The following ERBIN variants were observed in gnomAD, a reference collection of about 807,000 sequenced individuals.
ERBIN encodes erbb2 interacting protein, also known as densin-180-like protein.
A neutral mutation model predicts 158.4 loss-of-function variants in ERBIN; 60 were observed. The ratio of observed to expected loss-of-function variants is 0.38; its 90% CI spans 0.31 to 0.47. The LOEUF (loss-of-function observed/expected upper bound fraction) is 0.47. ERBIN is among the 20% of genes least tolerant of loss of function. ERBIN has a pLI of 0.99. For missense variants in ERBIN, 1,610 were observed against 1,648.0 expected (o/e 0.98, Z 0.40); for synonymous variants, 594 against 557.2 (o/e 1.07, Z -0.93).
chr5:65,994,943 TAAAAATATA>T (rs1219431868), intron 4 of ERBIN, 79 bp downstream of exon 4: 1 of 801,328 alleles, frequency 1.2e-6, no homozygotes, highest in Non-Finnish European at 2.0e-6. Flanking sequence ...TTTTCAAAAA[TAAAAATATA>T]AAAATAAGTT....
At chr5:66,057,679 C>G (rs540808174) in intron 21 of ERBIN, among the ~76,000 whole-genome samples, 2 of 150,246 alleles carry the variant, frequency 1.3e-5, no homozygotes, top group Non-Finnish European at 3.0e-5. Context: ...TTAGGTATAT[C>G]TCCTAATGCT....
chr5:66,023,945 G>A (rs1226051300), intron 9 of ERBIN, among the ~76,000 whole-genome samples: 1 of 151,996 alleles, frequency 6.6e-6, no homozygotes, highest in African/African-American at 2.4e-5. Context: ...CCAAAGTGCT[G>A]GGATTACAGG....
At chr5:66,067,482 C>T (rs1455063962) in intron 21 of ERBIN, among the ~76,000 whole-genome samples, 1 of 152,170 alleles carries the variant, frequency 6.6e-6, no homozygotes, top group African/African-American at 2.4e-5. Flanking sequence ...GGAAGAACGG[C>T]AGTTCATAAC....
chr5:65,934,206 A>G (rs1743796910), intron 1 of ERBIN, among the ~76,000 whole-genome samples: 2 of 152,172 alleles, frequency 1.3e-5, no homozygotes, highest in Non-Finnish European at 2.9e-5. Context: ...CGTCACCCCT[A>G]AATATTTTAA....
chr5:65,990,991 G>T (rs926823718), intron 2 of ERBIN, among the ~76,000 whole-genome samples: 2 of 152,020 alleles, frequency 1.3e-5, no homozygotes, highest in South Asian at 2.1e-4. Flanking sequence ...CCTGACCTCT[G>T]GTGATCTGCC....
chr5:66,054,306 A>G lies in ERBIN; in HGVS notation c.2988A>G (p.Gln996=). The G allele has an allele frequency of 6.2e-7, 1 of 1,614,200 alleles. No homozygotes were observed. Among genetic ancestry groups the G allele is most frequent in the Non-Finnish European group, 8.5e-7 (1 of 1,180,034 alleles). Residue 996 remains glutamine, a synonymous_variant, in exon 21 of 26, where the codon CAA becomes CAG. Transcript: ENST00000284037. Reference sequence around the variant, plus strand: ...AAGACACTTTGTGGCACTCCAAACAAAATCCCCAAATAGACCATGCCAGTT... The same window carrying G: ...AAGACACTTTGTGGCACTCCAAACAGAATCCCCAAATAGACCATGCCAGTT... The part of the protein sequence containing the change: ...AVKDTLWHSK[Q]NPQIDHASFP...
rs149562691 is a variant in ERBIN at position 65,974,981 on chromosome 5, G to A, written c.-57-13654G>A. Among the ~76,000 whole-genome samples the A allele has an allele frequency of 2.4e-3, 361 of 152,252 alleles. 4 individuals are homozygous for A. The highest frequency in any genetic ancestry group is 8.3e-3 in the African/African-American group (343 of 41,540). ...GCTACTAAGAAAGCAAGGGGGAGAA[G>A]TGAATTTAGATTGTCTATTGAATTT... On this transcript the variant is annotated intron_variant, in intron 1 of 25. Coordinates refer to ENST00000284037, the MANE Select transcript of ERBIN (RefSeq NM_001253697.2).
At chr5:66,043,232 C>T (rs551036869) in intron 16 of ERBIN, 34 bp downstream of exon 16, 5 of 1,602,866 alleles carry the variant, frequency 3.1e-6, no homozygotes, top group Middle Eastern at 3.3e-4. Flanking sequence ...AAATTTGAAA[C>T]AAGTCTGCTG....
At chr5:66,065,629 G>A (rs1760904929) in intron 21 of ERBIN, among the ~76,000 whole-genome samples, 1 of 142,986 alleles carries the variant, frequency 7.0e-6, no homozygotes, top group South Asian at 2.2e-4. Flanking sequence ...GTGTGTGTGT[G>A]TGTGTGTGTG....
chr5:66,020,881 A>G (rs1755615592), intron 7 of ERBIN, among the ~76,000 whole-genome samples: 1 of 152,012 alleles, frequency 6.6e-6, no homozygotes, highest in Non-Finnish European at 1.5e-5. Context: ...CATTTTGAAT[A>G]TTAATTTTCG....
chr5:66,045,803 T>C (rs1758385094), intron 17 of ERBIN, among the ~76,000 whole-genome samples: 1 of 152,222 alleles, frequency 6.6e-6, no homozygotes, highest in African/African-American at 2.4e-5. Context: ...ATTATTATTA[T>C]GGAAATTTTT....
chr5:65,971,192 G>C (rs1166995682), intron 1 of ERBIN, among the ~76,000 whole-genome samples: 1 of 151,696 alleles, frequency 6.6e-6, no homozygotes, highest in Non-Finnish European at 1.5e-5. Context: ...AAGACAACCA[G>C]GTGTCTAGAA....
intron 23 of ERBIN, 56 bp downstream of exon 23, chr5:66,075,286 T>C: frequency 7.3e-7 from 1 of 1,365,990 alleles, no homozygotes; most frequent in Admixed American, 1.7e-5. Flanking sequence ...TGTATTTTTA[T>C]AGGTTACTTA....
At chr5:65,943,715 A>C (rs577815483) in intron 1 of ERBIN, among the ~76,000 whole-genome samples, 4 of 152,318 alleles carry the variant, frequency 2.6e-5, no homozygotes, top group African/African-American at 7.2e-5. Context: ...ATACAAATAA[A>C]ATATCTTAAC....
Position 66,021,859 on chromosome 5 carries a change from G to C in ERBIN, c.597+474G>C, listed in dbSNP as rs151332520. On this transcript the variant is annotated intron_variant, in intron 8 of 25. Transcript: ENST00000284037. ...AGTGGTAATGAGAACCTTTTTGTTT[G>C]TGCTTTGTATGCCAAGTGCGCTATG... Among the ~76,000 whole-genome samples the C allele has an allele frequency of 1.1e-3, 161 of 152,130 alleles. 1 individual carries two copies. Among genetic ancestry groups the C allele is most frequent in the African/African-American group, 3.8e-3 (157 of 41,536 alleles).
chr5:66,006,846 TC>T (rs1318607811), intron 4 of ERBIN, among the ~76,000 whole-genome samples: 2 of 151,908 alleles, frequency 1.3e-5, no homozygotes, highest in African/African-American at 2.4e-5. Flanking sequence ...TGAGATACCA[TC>T]TCACACCAGT....
chr5:65,940,841 C>G (rs1400675324), intron 1 of ERBIN, among the ~76,000 whole-genome samples: 1 of 152,030 alleles, frequency 6.6e-6, no homozygotes, highest in Non-Finnish European at 1.5e-5. Context: ...TGAGAACGGG[C>G]CATGATGACA....
intron 1 of ERBIN, among the ~76,000 whole-genome samples, chr5:65,944,763 T>C (rs1408974356): frequency 3.3e-5 from 5 of 152,210 alleles, no homozygotes; most frequent in Non-Finnish European, 7.3e-5. Context: ...TTATATGTAC[T>C]TTTTGGCTAT....
rs1006652328 is a variant in ERBIN at position 65,973,739 on chromosome 5, C to G, written c.-57-14896C>G. Among the ~76,000 whole-genome samples the G allele has an allele frequency of 7.3e-5, 11 of 151,278 alleles. 1 individual carries two copies. The highest frequency in any genetic ancestry group is 2.7e-4 in the African/African-American group (11 of 40,620). On this transcript the variant is annotated intron_variant, in intron 1 of 25. Transcript: ENST00000284037. ...TCAGTAGTAAGGCAAAAGGCCTCAC[C>G]TGAACAAAGGGTTTGATTCAGTAGT...
Sources: gnomAD v4.1 joint callset for allele counts (sites outside exome capture counted in the v4.1 genomes callset) on GRCh38, gnomAD v4.1.1 for gene constraint, MANE v1.5 for transcripts, NCBI Gene and HGNC (gene_info 2026-07-23, HGNC 2026-07-21) for gene names.